SELENON: variants seen among roughly 807,000 people sequenced by gnomAD.
The protein encoded by SELENON is selenoprotein N.
A neutral mutation model predicts 59.5 loss-of-function variants in SELENON; 44 were observed. The ratio of observed to expected loss-of-function variants is 0.74; its 90% CI spans 0.58 to 0.95. The LOEUF is 0.95. Ranked by LOEUF, SELENON falls within the 40% of genes least tolerant of loss-of-function variation. The pLI is 0.00. For missense variants in SELENON, 674 were observed against 721.4 expected, an observed-to-expected ratio of 0.93 and a Z score of 0.75; for synonymous variants, 320 against 305.6, an observed-to-expected ratio of 1.05 and a Z score of -0.49.
intron 7 of SELENON, 85 bp downstream of exon 6, chr1:25,809,905 GTC>G: frequency 6.5e-7 from 1 of 1,535,572 alleles, no homozygotes; most frequent in Non-Finnish European, 8.9e-7. Context: ...GGCCTCTTCT[GTC>G]TCTGCCCCTT....
chr1:25,815,812 C>T lies in SELENON; in HGVS notation c.*94C>T. 7.4e-7 allele frequency: 1 copy of T among 1,344,548 alleles called. No individual in the cohort carries two copies. Among genetic ancestry groups the T allele is most frequent in the East Asian group, 2.3e-5 (1 of 43,250 alleles). The allele number at this position is 1,344,548 out of a possible 1,614,324, so 83.3% of individuals were successfully genotyped here. ...AGACTGCAGATGCCGCCCACTCCCA[C>T]CCCACTCCTAGGCTGCCTTGGAGGG... On this transcript the variant is annotated 3_prime_UTR_variant, in exon 13 of 13. Coordinates refer to ENST00000361547, the MANE Select transcript of SELENON (RefSeq NM_020451.3).
chr1:25,803,564 G>A (rs2047877544), intron 3 of SELENON, among the ~76,000 whole-genome samples: 1 of 152,170 alleles, frequency 6.6e-6, no homozygotes. Context: ...AAAATGCTGA[G>A]TAGTAGTATT....
chr1:25,813,793 C>A, intron 10 of SELENON, 88 bp from the exon 10 acceptor site: 1 of 925,098 alleles, frequency 1.1e-6, no homozygotes, highest in Non-Finnish European at 1.8e-6. Flanking sequence ...GGTGCAGAGA[C>A]TGTCCTGCAG....
intron 3 of SELENON, among the ~76,000 whole-genome samples, chr1:25,804,001 CATTATT>C (rs571658031): frequency 6.6e-6 from 1 of 152,264 alleles, no homozygotes; most frequent in East Asian, 1.9e-4. Context: ...CCTTGGGAAT[CATTATT>C]ATTAATATTT....
chr1:25,811,847 C>A lies in SELENON; in HGVS notation c.1249C>A (p.Arg417Ser). The stretch of plus-strand genomic sequence containing the variant: ...GCTGAGCTGGGAGGAGGCTGCCCGG[C>A]GCCTGGAGGTGGCCATGTACCCCTT... Residue 417 changes from arginine to serine, a missense_variant, in exon 9 of 13, where the codon CGC becomes AGC. Arg to Ser is a moderately radical substitution (Grantham distance 110). Transcript: ENST00000361547. 6.3e-7 allele frequency: 1 copy of A among 1,576,482 alleles called. No individual in the cohort carries two copies. The highest frequency in any genetic ancestry group is 8.6e-7 in the Non-Finnish European group (1 of 1,161,108).
Position 25,815,702 on chromosome 1 carries a change from CCCT to C in SELENON, c.1763_1765del (p.Leu588del), listed in dbSNP as rs750731289. 1.2e-6 allele frequency: 2 copies of C among 1,614,060 alleles called. No homozygotes were observed. The highest frequency in any genetic ancestry group is 2.2e-5 in the South Asian group (2 of 91,086). On this transcript the variant is annotated inframe_deletion, in exon 13 of 13. Transcript: ENST00000361547. ...AAGGAGGGACTCCGGCGTGGCCTGCCCCTCCTCCAGCCCTAGAGTGCCTGGACG... is the reference window on the plus strand; with the variant it reads ...AAGGAGGGACTCCGGCGTGGCCTGCCCCTCCAGCCCTAGAGTGCCTGGACG...
At chr1:25,810,607 G>A (rs533032557) in intron 7 of SELENON, among the ~76,000 whole-genome samples, 1 of 152,334 alleles carries the variant, frequency 6.6e-6, no homozygotes, top group African/African-American at 2.4e-5. Flanking sequence ...CTCATCTGCC[G>A]GATGGGAGAC....
intron 2 of SELENON, 143 bp downstream of exon 2, chr1:25,801,303 T>C: frequency 1.4e-6 from 1 of 715,454 alleles, no homozygotes; most frequent in Non-Finnish European, 2.5e-6. Flanking sequence ...ACTTTGTAGC[T>C]GGTGGCTTGG....
At position 25,813,996 on chromosome 1, in the gene SELENON, G is replaced by A. The variant is rs991907461; in HGVS notation, c.1500+3G>A. On this transcript the variant is annotated splice_donor_region_variant and intron_variant, in intron 11 of 12. Coordinates refer to ENST00000361547, the MANE Select transcript of SELENON (RefSeq NM_020451.3). ...TGAAGGAGCTGGAGGAACTGCAGGT[G>A]AGCGGGCAGGTGGCAGGAACAGGAG... 1.2e-6 allele frequency: 2 copies of A among 1,613,772 alleles called. No individual in the cohort carries two copies. Among genetic ancestry groups the A allele is most frequent in the Middle Eastern group, 1.6e-4 (1 of 6,062 alleles).
rs2047965392 is a variant in SELENON, at chr1:25,811,995, G to C, written c.1281+116G>C. ...GTGTGCAGGGCTTGCTACTGAGGCT[G>C]TCTCACTGTTGGGCCCAGCTGTGCC... On this transcript the variant is annotated intron_variant, in intron 9 of 12. Transcript: ENST00000361547. The C allele has an allele frequency of 2.6e-6, 3 of 1,153,928 alleles. No homozygotes were observed. In the Admixed American group the frequency reaches 6.0e-5, roughly 23 times the overall value. 71.5% of individuals were successfully genotyped at this position (1,153,928 alleles called of 1,614,324 possible). A position where few individuals can be genotyped will look rare whatever the true frequency, so the allele number is the denominator to read the frequency against.
At position 25,818,012 on chromosome 1, in the gene SELENON, G is replaced by A. The variant is rs1459473040; in HGVS notation, c.*2294G>A. On this transcript the variant is annotated 3_prime_UTR_variant, in exon 13 of 13. Coordinates refer to ENST00000361547, the MANE Select transcript of SELENON (RefSeq NM_020451.3). The stretch of plus-strand genomic sequence containing the variant: ...ATGCGAGCCCTTCTCCTGCTGCTCT[G>A]GGAGGGCCAGTTCCACATTGAGCCA... The A allele has an allele frequency of 1.3e-5, 2 of 152,392 alleles. No homozygotes were observed. Among genetic ancestry groups the A allele is most frequent in the African/African-American group, 4.8e-5 (2 of 41,464 alleles). 9.4% of individuals were successfully genotyped at this position (152,392 alleles called of 1,614,324 possible).
chr1:25,808,368 G>T (rs1326096139), intron 4 of SELENON, among the ~76,000 whole-genome samples: 2 of 108,326 alleles, frequency 1.8e-5, no homozygotes, highest in Non-Finnish European at 3.8e-5. Flanking sequence ...GCCTGGGTGG[G>T]CTGCAGAGGC....
At chr1:25,811,329 T>G (rs999697477) in intron 7 of SELENON, 125 bp from the exon 7 acceptor site, 5 of 887,514 alleles carry the variant, frequency 5.6e-6, no homozygotes, top group Non-Finnish European at 9.4e-6. Context: ...AGAGCAGGTG[T>G]TCACCTTGAG....
In SELENON at chr1:25,807,639, G is replaced by A. The variant is rs2047919193; in HGVS notation, c.538-941G>A. ...AAGCCTACAAGCAGGACCCAGGAAGGCGGGCTCGGCCTGGCCCGGCACAGC... is the reference window on the plus strand; with the variant it reads ...AAGCCTACAAGCAGGACCCAGGAAGACGGGCTCGGCCTGGCCCGGCACAGC... On this transcript the variant is annotated intron_variant, in intron 4 of 12. Coordinates refer to ENST00000361547, the MANE Select transcript of SELENON (RefSeq NM_020451.3). This position sits in a 1 kb window ranked among gnomAD's most constrained non-coding sequence, Gnocchi z 4.5. Among the ~76,000 whole-genome samples the A allele has an allele frequency of 6.6e-6, 1 of 152,180 alleles. No homozygotes were observed. Among genetic ancestry groups the A allele is most frequent in the Admixed American group, 6.5e-5 (1 of 15,282 alleles).
chr1:25,803,496 G>C lies in SELENON; in HGVS notation c.403+1379G>C, dbSNP rs2047877105. ...AATTTTTACAAATTACCTATAATGG[G>C]CAAATGTTACTCATAAGTCAGGAAA... On this transcript the variant is annotated intron_variant, in intron 3 of 12. Coordinates refer to ENST00000361547, the MANE Select transcript of SELENON (RefSeq NM_020451.3). Among the ~76,000 whole-genome samples, 2 of 151,980 alleles carry C rather than the reference G, an allele frequency of 1.3e-5. 1 individual carries two copies. Among genetic ancestry groups the C allele is most frequent in the South Asian group, 4.2e-4 (2 of 4,814 alleles).
intron 6 of SELENON, 138 bp downstream of exon 5, chr1:25,809,288 G>GA (rs2047937756): frequency 7.5e-7 from 1 of 1,340,028 alleles, no homozygotes; most frequent in African/African-American, 1.4e-5. Context: ...TTGGCTCTCT[G>GA]AGCCTCAGTT....
At chr1:25,805,079 G>A (rs1557427967) in intron 3 of SELENON, 63 bp from the exon 3 acceptor site, 1 of 1,607,312 alleles carries the variant, frequency 6.2e-7, no homozygotes, top group South Asian at 1.1e-5. Flanking sequence ...TAGTGTGGAT[G>A]ATGAGGGAGA....
In SELENON at chr1:25,812,440, A is replaced by G. The variant is rs78518541; in HGVS notation, c.1282-247A>G. Among the ~76,000 whole-genome samples, 3,871 of 146,770 alleles carry G rather than the reference A, an allele frequency of 0.026. 178 individuals are homozygous for G. Among genetic ancestry groups the G allele is most frequent in the African/African-American group, 0.091 (3,637 of 39,962 alleles). On this transcript the variant is annotated intron_variant, in intron 9 of 12. Coordinates refer to ENST00000361547, the MANE Select transcript of SELENON (RefSeq NM_020451.3). Reference sequence around the variant, plus strand: ...GTAGCACCCACTTCACACACATACAAACACACACACTAACATATATATACA... The same window carrying G: ...GTAGCACCCACTTCACACACATACAGACACACACACTAACATATATATACA...
chr1:25,801,660 A>AAAAC (rs1031725653), intron 2 of SELENON, among the ~76,000 whole-genome samples: 1 of 148,110 alleles, frequency 6.8e-6, no homozygotes, highest in Non-Finnish European at 1.5e-5. Context: ...ACCCTGTCTC[A>AAAAC]AAACAAACAA....
Sources: gnomAD v4.1 joint callset for allele counts (sites outside exome capture counted in the v4.1 genomes callset) on GRCh38, gnomAD v4.1.1 for gene constraint, Gnocchi (gnomAD v3.1) non-coding constraint, MANE v1.5 for transcripts, NCBI Gene and HGNC (gene_info 2026-07-23, HGNC 2026-07-21) for gene names.